NPSR1: variants seen among roughly 807,000 people sequenced by gnomAD.
NPSR1 encodes neuropeptide S receptor 1, also known as neuropeptide S receptor.
Under a neutral mutation model 46.9 loss-of-function variants are expected in NPSR1, and 48 were observed. That is an observed-to-expected ratio of 1.02 (90% CI 0.81 to 1.30). The LOEUF is 1.30. NPSR1 is among the 50% of genes most tolerant of loss of function. NPSR1 has a pLI of 0.00. For synonymous variants in NPSR1, 176 were observed against 168.1 expected (o/e 1.05, Z -0.36); for missense variants, 450 against 449.5 (o/e 1.00, Z -0.01).
chr7:34,718,080 AAGAAT>A (rs1235746856), intron 2 of NPSR1, among the ~76,000 whole-genome samples: 3 of 152,226 alleles, frequency 2.0e-5, no homozygotes, highest in Non-Finnish European at 4.4e-5. Context: ...GAGAACCCAA[AAGAAT>A]TTTTGAGGAT....
intron 1 of NPSR1, among the ~76,000 whole-genome samples, chr7:34,667,227 C>A (rs564159179): frequency 6.6e-6 from 1 of 152,332 alleles, no homozygotes; most frequent in South Asian, 2.1e-4. Context: ...CACCACAGGG[C>A]TGCTCTAGCC....
Position 34,673,212 on chromosome 7 carries a change from T to C in NPSR1, c.148-11340T>C, listed in dbSNP as rs112723827. Reference sequence around the variant, plus strand: ...ACATCTTTATCATAGAAGTTCACATTGAAAATTCTGGTTGACGTACCTGCC... The same window carrying C: ...ACATCTTTATCATAGAAGTTCACATCGAAAATTCTGGTTGACGTACCTGCC... On this transcript the variant is annotated intron_variant, in intron 1 of 8. Coordinates refer to ENST00000360581, the MANE Select transcript of NPSR1 (RefSeq NM_207172.2). Among the ~76,000 whole-genome samples, 263 of 152,276 alleles carry C rather than the reference T, an allele frequency of 1.7e-3. 1 individual carries two copies. The highest frequency in any genetic ancestry group is 5.8e-3 in the African/African-American group (240 of 41,564).
chr7:34,725,083 CCACACACACACAGACTCACACACA>C (rs893926315), intron 2 of NPSR1, among the ~76,000 whole-genome samples: 2 of 144,218 alleles, frequency 1.4e-5, no homozygotes, highest in African/African-American at 5.2e-5. Context: ...TTCTAAGTAC[CCACACACACACAGACTCACACACA>C]CACACACACA....
rs184701414 is a variant in NPSR1, at chr7:34,831,182, A to G, written c.681-3202A>G. On this transcript the variant is annotated intron_variant, in intron 5 of 8. Coordinates refer to ENST00000360581, the MANE Select transcript of NPSR1 (RefSeq NM_207172.2). ...TTTCTGGATTTCACATCCAGCACAC[A>G]CTAAACAGTTGGTGAATATTAGATT... 1.7e-3 allele frequency among the ~76,000 whole-genome samples: 262 copies of G among 152,222 alleles called. 1 individual carries two copies. Among genetic ancestry groups the G allele is most frequent in the African/African-American group, 6.1e-3 (255 of 41,532 alleles).
In NPSR1 at chr7:34,775,769, A is replaced by C. The variant is rs78190641; in HGVS notation, c.281-2693A>C. On this transcript the variant is annotated intron_variant, in intron 2 of 8. Coordinates refer to ENST00000360581, the MANE Select transcript of NPSR1 (RefSeq NM_207172.2). ...TATTTATTATTTATTTTCTGCTACT[A>C]ATTTTGAGTTTGTTATGCTCTTCCT... Among the ~76,000 whole-genome samples the C allele has an allele frequency of 1.1e-3, 163 of 152,064 alleles. 4 individuals are homozygous for C. In the East Asian group the frequency reaches 0.028, roughly 26 times the overall value.
At chr7:34,777,484 GTT>G (rs200082736) in intron 2 of NPSR1, among the ~76,000 whole-genome samples, 25 of 141,026 alleles carry the variant, frequency 1.8e-4, no homozygotes, top group East Asian at 1.3e-3. Flanking sequence ...ATTTAAAACT[GTT>G]TTTTTTTTTT....
intron 2 of NPSR1, among the ~76,000 whole-genome samples, chr7:34,697,115 T>TG (rs1793570761): frequency 1.3e-5 from 2 of 151,980 alleles, no homozygotes; most frequent in South Asian, 4.1e-4. Flanking sequence ...TGGAGGTTGG[T>TG]GGTGAGTACA....
chr7:34,680,357 G>T (rs192079562), intron 1 of NPSR1, among the ~76,000 whole-genome samples: 2 of 152,234 alleles, frequency 1.3e-5, no homozygotes, highest in East Asian at 3.9e-4. Context: ...TACCCAGTTA[G>T]AGAAATACAA....
chr7:34,758,461 C>A (rs1785990053), intron 2 of NPSR1, among the ~76,000 whole-genome samples: 1 of 152,158 alleles, frequency 6.6e-6, no homozygotes, highest in African/African-American at 2.4e-5. Flanking sequence ...TAACAGCAGC[C>A]CTTGCTCAAC....
intron 2 of NPSR1, among the ~76,000 whole-genome samples, chr7:34,759,202 G>A (rs1786034056): frequency 6.6e-6 from 1 of 152,114 alleles, no homozygotes; most frequent in African/African-American, 2.4e-5. Context: ...TAGCCATCCT[G>A]ATACTCCTTA....
intron 2 of NPSR1, among the ~76,000 whole-genome samples, chr7:34,714,027 G>A (rs1783430567): frequency 6.6e-6 from 1 of 152,262 alleles, no homozygotes; most frequent in Non-Finnish European, 1.5e-5. Context: ...GGAATACAGT[G>A]AGGTGGCTCA....
intron 3 of NPSR1, among the ~76,000 whole-genome samples, chr7:34,798,062 A>G (rs1235273158): frequency 1.3e-5 from 2 of 152,216 alleles, no homozygotes; most frequent in African/African-American, 4.8e-5. Context: ...ATGATAAAAT[A>G]ATAAGCACAA....
At position 34,692,907 on chromosome 7, in the gene NPSR1, T is replaced by C. The variant is rs567322607; in HGVS notation, c.280+8223T>C. 3.9e-4 allele frequency among the ~76,000 whole-genome samples: 59 copies of C among 152,232 alleles called. 1 individual carries two copies. Among genetic ancestry groups the C allele is most frequent in the Non-Finnish European group, 4.7e-4 (32 of 68,010 alleles). On this transcript the variant is annotated intron_variant, in intron 2 of 8. Transcript: ENST00000360581. ...GTTTGGATGTGTGTCCTAGACCAAA[T>C]CGCATGTTGAAATACAATCCCCCCG...
At chr7:34,842,722 A>C (rs1790614241) in intron 6 of NPSR1, among the ~76,000 whole-genome samples, 1 of 152,250 alleles carries the variant, frequency 6.6e-6, no homozygotes, top group South Asian at 2.1e-4. Flanking sequence ...GTACTTAAAG[A>C]GCCCCTATTC....
intron 2 of NPSR1, chr7:34,751,608 G>A: frequency 6.2e-7 from 1 of 1,602,516 alleles, no homozygotes; most frequent in Non-Finnish European, 8.6e-7. Flanking sequence ...GGCGCTGACA[G>A]AGCTCTCCAC....
At chr7:34,850,407 T>C (rs1374850822), downstream of NPSR1, among the ~76,000 whole-genome samples, 2 of 148,838 alleles carry the variant, frequency 1.3e-5, no homozygotes, top group Non-Finnish European at 3.0e-5. Context: ...CCTTTTTTTT[T>C]TTTTTTTTTT....
intron 3 of NPSR1, among the ~76,000 whole-genome samples, chr7:34,805,339 T>A (rs1264009098): frequency 6.6e-6 from 1 of 151,766 alleles, no homozygotes; most frequent in East Asian, 1.9e-4. Context: ...ACAAGTAGAT[T>A]GATGAAACAG....
intron 2 of NPSR1, among the ~76,000 whole-genome samples, chr7:34,752,635 G>C (rs1785597897): frequency 6.6e-6 from 1 of 152,156 alleles, no homozygotes; most frequent in Non-Finnish European, 1.5e-5. Context: ...AATTTTACTA[G>C]ATGTTTGGGG....
chr7:34,750,407 G>A (rs929666808), intron 2 of NPSR1: 21 of 744,052 alleles, frequency 2.8e-5, no homozygotes, highest in East Asian at 1.5e-4. Context: ...CTGGGTGTTC[G>A]GATGCCGATG....
Sources: allele counts gnomAD v4.1 joint callset (sites outside exome capture counted in the v4.1 genomes callset), GRCh38; gene constraint gnomAD v4.1.1; transcripts MANE v1.5; gene names NCBI Gene and HGNC (gene_info 2026-07-23, HGNC 2026-07-21).